Variants in SELENOT observed in about 807,000 individuals in gnomAD.
SELENOT encodes the protein selenoprotein T.
Under a neutral mutation model 24.3 loss-of-function variants are expected in SELENOT, and 9 were observed. That is an observed-to-expected ratio of 0.37 (90% confidence interval 0.22 to 0.65). The LOEUF (loss-of-function observed/expected upper bound fraction) is 0.65. SELENOT is among the 30% of genes least tolerant of loss of function. The probability of loss-of-function intolerance (pLI) is 0.60; values close to 1 mark genes in which losing one functional copy is unlikely to be tolerated. For synonymous variants in SELENOT, 81 were observed against 86.0 expected, an observed-to-expected ratio of 0.94 and a Z score of 0.32; for missense variants, 166 against 247.6, an observed-to-expected ratio of 0.67 and a Z score of 2.21.
At chr3:150,609,905 G>C (rs1201195803) in intron 1 of SELENOT, among the ~76,000 whole-genome samples, 1 of 152,152 alleles carries the variant, frequency 6.6e-6, no homozygotes. Context: ...GTTGGTTAAA[G>C]TGTCAGTGTT....
At chr3:150,604,518 G>T in intron 1 of SELENOT, among the ~76,000 whole-genome samples, 1 of 152,072 alleles carries the variant, frequency 6.6e-6, no homozygotes, top group East Asian at 1.9e-4. Flanking sequence ...TGTTGGTGTT[G>T]GACATCATTC....
intron 1 of SELENOT, among the ~76,000 whole-genome samples, chr3:150,615,622 C>CTTA (rs1726194432): frequency 6.6e-6 from 1 of 152,054 alleles, no homozygotes; most frequent in Non-Finnish European, 1.5e-5. Flanking sequence ...GAATAAAATA[C>CTTA]CTAGGAATCC....
chr3:150,622,603 A>G, intron 2 of SELENOT, 108 bp downstream of exon 2: 1 of 475,562 alleles, frequency 2.1e-6, no homozygotes, highest in East Asian at 3.5e-5. Flanking sequence ...TTAGTTGGTT[A>G]TAATAATATA....
At chr3:150,607,339 G>A (rs1377171513) in intron 1 of SELENOT, among the ~76,000 whole-genome samples, 2 of 152,188 alleles carry the variant, frequency 1.3e-5, no homozygotes, top group Non-Finnish European at 2.9e-5. Context: ...AAGACCTAAG[G>A]TTGATTTGGA....
intron 1 of SELENOT, among the ~76,000 whole-genome samples, chr3:150,617,474 C>A (rs765035320): frequency 4.6e-5 from 7 of 152,132 alleles, no homozygotes; most frequent in Admixed American, 1.3e-4. Context: ...GTGGCACATG[C>A]CTATAGTACC....
At chr3:150,614,247 G>A (rs1559896385) in intron 1 of SELENOT, among the ~76,000 whole-genome samples, 1 of 152,196 alleles carries the variant, frequency 6.6e-6, no homozygotes, top group Non-Finnish European at 1.5e-5. Context: ...GAGGCAGGTA[G>A]GGGATGACTA....
chr3:150,603,768 C>T, intron 1 of SELENOT: 1 of 313,292 alleles, frequency 3.2e-6, no homozygotes, highest in Non-Finnish European at 5.9e-6. Context: ...CGCTGAAAGG[C>T]GAAGACTGGG....
intron 1 of SELENOT, chr3:150,611,845 G>A (rs1726101402): frequency 2.1e-6 from 2 of 933,378 alleles, no homozygotes; most frequent in Non-Finnish European, 3.2e-6. Flanking sequence ...TGCGGCTGCC[G>A]CCTCCCCACT....
At position 150,614,223 on chromosome 3, in the gene SELENOT, A is replaced by G. The variant is rs576176969; in HGVS notation, c.138-8162A>G. On this transcript the variant is annotated intron_variant, in intron 1 of 5. Transcript: ENST00000471696. ...GCTGGCTATTCTGTTGGAGATTCTT[A>G]GGAGCTGTGAATGGAGGCAGGTAGG... Among the ~76,000 whole-genome samples the G allele has an allele frequency of 1.5e-4, 23 of 152,316 alleles. 1 individual carries two copies. Among genetic ancestry groups the G allele is most frequent in the Middle Eastern group, 6.8e-3 (2 of 294 alleles).
rs1726510204 is a variant in SELENOT at position 150,629,423 on chromosome 3, C to T, written c.*1794C>T. On this transcript the variant is annotated 3_prime_UTR_variant, in exon 6 of 6. Coordinates refer to ENST00000471696, the MANE Select transcript of SELENOT (RefSeq NM_016275.5). ...GAAACCTTGTTATCTGATTGTGTAC[C>T]ACTCCAAATTCCCTGCCTTCTGCAA... The T allele has an allele frequency of 6.6e-6, 1 of 152,642 alleles. No individual in the cohort carries two copies. The highest frequency in any genetic ancestry group is 2.4e-5 in the African/African-American group (1 of 41,536). 9.5% of individuals were successfully genotyped at this position (152,642 alleles called of 1,614,324 possible).
rs369769408 is a variant in SELENOT, at chr3:150,623,131, C to G, written c.337C>G (p.Gln113Glu). ...GKDPFAFFGM[Q>E]APSIWQWGQE... Reference sequence around the variant, plus strand: ...GGATCCTTTTGCTTTCTTTGGCATGCAAGCTCCTAGCATCTGGCAGTGGGG... The same window carrying G: ...GGATCCTTTTGCTTTCTTTGGCATGGAAGCTCCTAGCATCTGGCAGTGGGG... Residue 113 changes from glutamine to glutamate, a missense_variant, in exon 3 of 6, where the codon CAA (glutamine) becomes GAA (glutamate). By Grantham distance (29) the Gln-to-Glu change is conservative (BLOSUM62 2). Around this residue, in one of 5 missense-constraint regions of SELENOT, gnomAD observed 71 missense variants for 89.2 expected, o/e 0.80. Transcript: ENST00000471696. 2 of 1,606,088 alleles carry G rather than the reference C, an allele frequency of 1.2e-6. No individual in the cohort carries two copies. Among genetic ancestry groups the G allele is most frequent in the African/African-American group, 2.7e-5 (2 of 74,672 alleles).
chr3:150,607,470 T>C (rs1725991501), intron 1 of SELENOT, among the ~76,000 whole-genome samples: 1 of 152,248 alleles, frequency 6.6e-6, no homozygotes, highest in Non-Finnish European at 1.5e-5. Context: ...GAGCACTTAC[T>C]CTGTGCAGGC....
chr3:150,617,542 T>TACA (rs1472681185), intron 1 of SELENOT, among the ~76,000 whole-genome samples: 1 of 152,166 alleles, frequency 6.6e-6, no homozygotes, highest in Non-Finnish European at 1.5e-5. Context: ...CTTGTACTTT[T>TACA]ACCTGTTGGT....
intron 1 of SELENOT, among the ~76,000 whole-genome samples, chr3:150,614,029 G>T (rs1040207630): frequency 6.6e-6 from 1 of 151,958 alleles, no homozygotes; most frequent in Non-Finnish European, 1.5e-5. Context: ...TTAATCCAAG[G>T]CTTTGGGATC....
In SELENOT at chr3:150,609,289, C is replaced by T. The variant is rs534339725; in HGVS notation, c.137+5790C>T. The stretch of plus-strand genomic sequence containing the variant: ...TAAACTTCCAGAATTCTCTGTGCTA[C>T]TGCTAGTCCTTTTCCTGCTGCCCTG... On this transcript the variant is annotated intron_variant, in intron 1 of 5. Transcript: ENST00000471696. Among the ~76,000 whole-genome samples the T allele has an allele frequency of 1.1e-4, 17 of 152,284 alleles. No homozygotes were observed. The South Asian group carries it at 1.7e-3, about 15-fold the overall frequency.
At chr3:150,627,386 G>A (rs1169942007) in intron 5 of SELENOT, among the ~76,000 whole-genome samples, 1 of 152,194 alleles carries the variant, frequency 6.6e-6, no homozygotes, top group Admixed American at 6.5e-5. Flanking sequence ...GATTGGGTCT[G>A]TAACCTTATT....
rs1019149496 is a variant in SELENOT at position 150,611,969 on chromosome 3, T to A, written c.137+8470T>A. 14 of 636,516 alleles carry A rather than the reference T, an allele frequency of 2.2e-5. 1 individual carries two copies. Among genetic ancestry groups the A allele is most frequent in the Non-Finnish European group, 5.2e-6 (2 of 384,972 alleles). 39.4% of individuals were successfully genotyped at this position (636,516 alleles called of 1,614,324 possible). ...AGTTCACTCTGCACACCAAGTTAGC[T>A]GCATGGCAGAACACCAACTGGGCCT... is the stretch of plus-strand genomic sequence containing the variant. On this transcript the variant is annotated intron_variant, in intron 1 of 5. Transcript: ENST00000471696.
intron 1 of SELENOT, among the ~76,000 whole-genome samples, chr3:150,617,260 TTTCTC>T (rs1402180119): frequency 6.6e-6 from 1 of 152,210 alleles, no homozygotes; most frequent in Non-Finnish European, 1.5e-5. Context: ...TCTTAAATCT[TTTCTC>T]TTATTTAGTA....
chr3:150,605,092 A>G lies in SELENOT; in HGVS notation c.137+1593A>G, dbSNP rs867261593. ...ATGTACTATGTTTCTGGAATATATC[A>G]TCTTTCATGTAATACTGCAAATGGG... On this transcript the variant is annotated intron_variant, in intron 1 of 5. Transcript: ENST00000471696. 4.0e-5 allele frequency among the ~76,000 whole-genome samples: 6 copies of G among 151,730 alleles called. No individual in the cohort carries two copies. In the South Asian group the frequency reaches 6.2e-4, roughly 16 times the overall value.
Sources: allele counts gnomAD v4.1 joint callset (sites outside exome capture counted in the v4.1 genomes callset), GRCh38; gene constraint gnomAD v4.1.1; regional missense constraint gnomAD v4.1.1; transcripts MANE v1.5; gene names NCBI Gene and HGNC (gene_info 2026-07-23, HGNC 2026-07-21).